The following MRPL1 variants were observed in gnomAD, a reference collection of about 807,000 sequenced individuals.
MRPL1 encodes large ribosomal subunit protein uL1m.
A neutral mutation model predicts 38.0 loss-of-function variants in MRPL1; 28 were observed. That is an observed-to-expected ratio of 0.74 (90% CI 0.55 to 1.01). The LOEUF is 1.01. Ranked by LOEUF, MRPL1 falls within the 50% of genes least tolerant of loss-of-function variation. The pLI is 0.00. For synonymous variants in MRPL1, 123 were observed against 126.7 expected, an observed-to-expected ratio of 0.97 and a Z score of 0.20; for missense variants, 358 against 389.8, an observed-to-expected ratio of 0.92 and a Z score of 0.69.
chr4:77,926,613 T>TTC, intron 7 of MRPL1, among the ~76,000 whole-genome samples: 1 of 21,644 alleles, frequency 4.6e-5, no homozygotes, highest in East Asian at 5.4e-4. Flanking sequence ...TCTTTTTTAC[T>TTC]TTTTTTTTTT....
chr4:77,921,781 T>C (rs1186004826), intron 7 of MRPL1, among the ~76,000 whole-genome samples: 1 of 152,146 alleles, frequency 6.6e-6, no homozygotes, highest in East Asian at 1.9e-4. Context: ...AGTTTTTTTT[T>C]TTTTTTAACA....
chr4:77,939,754 A>G (rs1737073989), intron 7 of MRPL1, among the ~76,000 whole-genome samples: 1 of 152,172 alleles, frequency 6.6e-6, no homozygotes, highest in African/African-American at 2.4e-5. Context: ...TTATTCTTCT[A>G]CATGTGGCTT....
chr4:77,866,749 CTTT>C (rs199562168), intron 1 of MRPL1, among the ~76,000 whole-genome samples: 2 of 144,788 alleles, frequency 1.4e-5, no homozygotes, highest in Non-Finnish European at 1.5e-5. Flanking sequence ...TATCACCCCC[CTTT>C]TTTTTTTTTT....
At chr4:77,881,443 CTTTT>C (rs760628841) in intron 2 of MRPL1, among the ~76,000 whole-genome samples, 1 of 133,088 alleles carries the variant, frequency 7.5e-6, no homozygotes, top group African/African-American at 2.8e-5. Context: ...TCAATATTTA[CTTTT>C]TTTTTTTTTT....
chr4:77,866,267 G>T (rs566026865), intron 1 of MRPL1, among the ~76,000 whole-genome samples: 23 of 152,226 alleles, frequency 1.5e-4, no homozygotes, highest in Admixed American at 5.2e-4. Flanking sequence ...GACCAGGTTG[G>T]TCTTGAACTC....
chr4:77,880,493 G>T (rs1735513609), intron 2 of MRPL1, among the ~76,000 whole-genome samples: 1 of 136,412 alleles, frequency 7.3e-6, no homozygotes, highest in Admixed American at 7.1e-5. Flanking sequence ...CGTCTGCAAG[G>T]TCTTTTTTTT....
chr4:77,921,842 C>T (rs1341967595), intron 7 of MRPL1, among the ~76,000 whole-genome samples: 1 of 151,576 alleles, frequency 6.6e-6, no homozygotes, highest in Non-Finnish European at 1.5e-5. Context: ...CTGTGAACTT[C>T]CTGAAATTTT....
In MRPL1 at chr4:77,919,680, A is replaced by G. The variant is rs574918377; in HGVS notation, c.777+10308A>G. ...TATCAACAAAATAGGGCATGGCTAT[A>G]GTTTAAAGAAAAATTTAAAATGTGT... On this transcript the variant is annotated intron_variant, in intron 7 of 8. Coordinates refer to ENST00000315567, the MANE Select transcript of MRPL1 (RefSeq NM_020236.4). Among the ~76,000 whole-genome samples, 175 of 152,282 alleles carry G rather than the reference A, an allele frequency of 1.1e-3. 1 individual carries two copies. The highest frequency in any genetic ancestry group is 4.2e-3 in the African/African-American group (173 of 41,592).
chr4:77,944,571 G>T (rs1468641370), intron 7 of MRPL1, among the ~76,000 whole-genome samples: 2 of 152,158 alleles, frequency 1.3e-5, no homozygotes, highest in African/African-American at 4.8e-5. Flanking sequence ...CAAGGGCGAG[G>T]TTTGTATCTT....
rs755777194 is a variant in MRPL1, at chr4:77,883,404, T to C, written c.306T>C (p.Ala102=). 3.1e-6 allele frequency: 5 copies of C among 1,613,874 alleles called. No homozygotes were observed. Among genetic ancestry groups the C allele is most frequent in the Non-Finnish European group, 4.2e-6 (5 of 1,179,950 alleles). Residue 102 remains alanine (A), a synonymous_variant, in exon 3 of 9, where the codon GCT becomes GCC. Coordinates refer to ENST00000315567, the MANE Select transcript of MRPL1 (RefSeq NM_020236.4). ...GACAGATATATGAGGTGGAGAAAGC[T>C]GTTCACTTACTTAAGAAATTTCAAA... The part of the protein sequence containing the change: ...YPRQIYEVEK[A]VHLLKKFQIL...
intron 7 of MRPL1, among the ~76,000 whole-genome samples, chr4:77,936,499 A>C (rs955976768): frequency 8.5e-5 from 13 of 152,336 alleles, no homozygotes; most frequent in African/African-American, 3.1e-4. Flanking sequence ...GACATCCTTC[A>C]GTCTGTCTTC....
At chr4:77,916,539 A>T (rs1266649580) in intron 7 of MRPL1, among the ~76,000 whole-genome samples, 1 of 152,200 alleles carries the variant, frequency 6.6e-6, no homozygotes, top group Non-Finnish European at 1.5e-5. Context: ...AGGCACCCTT[A>T]TAAAATTCAT....
At chr4:77,913,176 C>T (rs1736329024) in intron 7 of MRPL1, among the ~76,000 whole-genome samples, 1 of 151,598 alleles carries the variant, frequency 6.6e-6, no homozygotes, top group Non-Finnish European at 1.5e-5. Context: ...GATAAATCAC[C>T]CTATAAAAAT....
chr4:77,949,761 C>A, intron 7 of MRPL1, 36 bp from the exon 8 acceptor site: 1 of 1,317,472 alleles, frequency 7.6e-7, no homozygotes, highest in Non-Finnish European at 1.1e-6. Context: ...TTCTTGCTTT[C>A]TCATCATTAA....
At chr4:77,866,857 C>G (rs987477213) in intron 1 of MRPL1, among the ~76,000 whole-genome samples, 3 of 151,590 alleles carry the variant, frequency 2.0e-5, no homozygotes, top group African/African-American at 7.3e-5. Context: ...AGACGATTCT[C>G]CTGCCTCAGC....
chr4:77,884,974 A>G (rs184232796), intron 3 of MRPL1, among the ~76,000 whole-genome samples: 31 of 152,370 alleles, frequency 2.0e-4, no homozygotes, highest in Non-Finnish European at 3.8e-4. Flanking sequence ...GCCAAGTGGC[A>G]TGGGATTATG....
intron 1 of MRPL1, among the ~76,000 whole-genome samples, chr4:77,864,000 GT>G (rs34560176): frequency 0.48 from 59,833 of 125,638 alleles, 11,844 homozygotes; most frequent in Non-Finnish European, 0.53. Context: ...CTGCATCACA[GT>G]TTTTTTTTTT....
chr4:77,921,827 A>G (rs1350498426), intron 7 of MRPL1, among the ~76,000 whole-genome samples: 1 of 151,916 alleles, frequency 6.6e-6, no homozygotes, highest in African/African-American at 2.4e-5. Context: ...ATAGACTTCA[A>G]GATTCTGTGA....
At chr4:77,928,061 A>G (rs757977538) in intron 7 of MRPL1, among the ~76,000 whole-genome samples, 1 of 152,196 alleles carries the variant, frequency 6.6e-6, no homozygotes, top group Non-Finnish European at 1.5e-5. Flanking sequence ...ACATGGTCCA[A>G]TTATAGGTGA....
Sources: allele counts gnomAD v4.1 joint callset (sites outside exome capture counted in the v4.1 genomes callset), GRCh38; gene constraint gnomAD v4.1.1; transcripts MANE v1.5; gene names NCBI Gene and HGNC (gene_info 2026-07-23, HGNC 2026-07-21).